Variants in SLC35B3 observed in about 807,000 individuals in gnomAD.
SLC35B3 encodes solute carrier family 35 member B3.
In SLC35B3, 35 loss-of-function variants were observed where a neutral mutation model predicts 44.1. The observed-to-expected ratio is 0.79, with a 90% confidence interval of 0.61 to 1.05. The LOEUF (loss-of-function observed/expected upper bound fraction) is 1.05, where lower values mean the gene tolerates loss of function less well. SLC35B3 is among the 50% of genes least tolerant of loss of function. The pLI, the probability that SLC35B3 is intolerant of heterozygous loss-of-function variation, is 0.00. For synonymous variants in SLC35B3, 146 were observed against 167.3 expected, an observed-to-expected ratio of 0.87 and a Z score of 0.98; for missense variants, 414 against 476.4, an observed-to-expected ratio of 0.87 and a Z score of 1.22.
Position 8,411,540 on chromosome 6 carries a change from T to A in SLC35B3, c.*2009A>T, listed in dbSNP as rs766858787. Among the ~76,000 whole-genome samples, 1 of 152,216 alleles carries A rather than the reference T, an allele frequency of 6.6e-6. No homozygotes were observed. The highest frequency in any genetic ancestry group is 1.9e-4 in the East Asian group (1 of 5,198). On this transcript the variant is annotated 3_prime_UTR_variant, in exon 11 of 11. Coordinates refer to ENST00000644923, the MANE Select transcript of SLC35B3 (RefSeq NM_001370476.2). ...TTCTTCTTAAAAGTTTAAGGCAGCATAATGAAGTATGCATTAAGATCCCGT... is the reference window on the plus strand; with the variant it reads ...TTCTTCTTAAAAGTTTAAGGCAGCAAAATGAAGTATGCATTAAGATCCCGT...
intron 2 of SLC35B3, among the ~76,000 whole-genome samples, chr6:8,431,772 C>T (rs1017363451): frequency 6.6e-6 from 1 of 152,098 alleles, no homozygotes; most frequent in Non-Finnish European, 1.5e-5. Context: ...GTAGAAGAGA[C>T]GAAAACCTTA....
rs542854250 is a variant in SLC35B3 at position 8,411,908 on chromosome 6, C to T, written c.*1641G>A. 6.6e-6 allele frequency among the ~76,000 whole-genome samples: 1 copy of T among 152,230 alleles called. No individual in the cohort carries two copies. The highest frequency in any genetic ancestry group is 2.4e-5 in the African/African-American group (1 of 41,546). ...ATAGAAGCAATTCTAAAAATCACTGCTAAAAATAAGTGCCCAAATCTTTGA... is the reference window on the plus strand; with the variant it reads ...ATAGAAGCAATTCTAAAAATCACTGTTAAAAATAAGTGCCCAAATCTTTGA... On this transcript the variant is annotated 3_prime_UTR_variant, in exon 11 of 11. Coordinates refer to ENST00000644923, the MANE Select transcript of SLC35B3 (RefSeq NM_001370476.2).
In SLC35B3 at chr6:8,413,676, A is replaced by G. The variant is rs1177849394; in HGVS notation, c.1079T>C (p.Val360Ala). Residue 360 changes from valine (V) to alanine (A), a missense_variant, in exon 11 of 11, where the codon GTT (valine) becomes GCT (alanine). Coordinates refer to ENST00000644923, the MANE Select transcript of SLC35B3 (RefSeq NM_001370476.2). ...AACATTAAGAAATATACCAAGGACA[A>G]CTAACAAACCAGACCATACATACCT... is the stretch of plus-strand genomic sequence containing the variant. The G allele has an allele frequency of 1.3e-6, 2 of 1,566,884 alleles. No individual in the cohort carries two copies. The highest frequency in any genetic ancestry group is 1.1e-5 in the South Asian group (1 of 88,636).
In SLC35B3 at chr6:8,432,144, G is replaced by C. The variant is rs902438412; in HGVS notation, c.4-1987C>G. ...GGCATATACTCTGACCTGATATTCA[G>C]ATGAACCAAATAAACTGATCCTTCC... On this transcript the variant is annotated intron_variant, in intron 2 of 10. Coordinates refer to ENST00000644923, the MANE Select transcript of SLC35B3 (RefSeq NM_001370476.2). This position sits in a 1 kb window ranked among gnomAD's most constrained non-coding sequence, Gnocchi z 4.8. Among the ~76,000 whole-genome samples, 1 of 151,986 alleles carries C rather than the reference G, an allele frequency of 6.6e-6. No individual in the cohort carries two copies. The highest frequency in any genetic ancestry group is 1.5e-5 in the Non-Finnish European group (1 of 68,018).
At chr6:8,418,554 CAA>C (rs751859093) in intron 7 of SLC35B3, among the ~76,000 whole-genome samples, 2 of 116,646 alleles carry the variant, frequency 1.7e-5, no homozygotes. Context: ...ACACTACTTG[CAA>C]AAAAAAAAAA....
chr6:8,419,275 A>G lies in SLC35B3; in HGVS notation c.780+305T>C, dbSNP rs951343713. Among the ~76,000 whole-genome samples the G allele has an allele frequency of 6.6e-6, 1 of 152,056 alleles. No homozygotes were observed. Among genetic ancestry groups the G allele is most frequent in the African/African-American group, 2.4e-5 (1 of 41,446 alleles). ...AGACAAATTGGGCCATATAAAAATT[A>G]CAAACTTCTACATGGAAAAATACTA... On this transcript the variant is annotated intron_variant, in intron 7 of 10. Transcript: ENST00000644923. The surrounding 1 kb of genome is among the most constrained non-coding windows in gnomAD (Gnocchi z 4.3).
In SLC35B3 at chr6:8,420,745, T is replaced by C. The variant is rs202083548; in HGVS notation, c.658A>G (p.Thr220Ala). Reference sequence around the variant, plus strand: ...CCCGTCAGGTTGAAATTTGGTGCAGTTGTGCTGTCAGCGAGGGTAAACCAT... The same window carrying C: ...CCCGTCAGGTTGAAATTTGGTGCAGCTGTGCTGTCAGCGAGGGTAAACCAT... Residue 220 changes from threonine to alanine, a missense_variant, in exon 6 of 11, where the codon ACT (threonine) becomes GCT (alanine). By Grantham distance (58) the Thr-to-Ala change is moderately conservative. Coordinates refer to ENST00000644923, the MANE Select transcript of SLC35B3 (RefSeq NM_001370476.2). This position sits in a 1 kb window ranked among gnomAD's most constrained non-coding sequence, Gnocchi z 4.4. 8.7e-6 allele frequency: 14 copies of C among 1,612,798 alleles called. No homozygotes were observed. The East Asian group carries it at 2.5e-4, about 28-fold the overall frequency.
At chr6:8,414,247 G>T (rs1404737949) in intron 10 of SLC35B3, among the ~76,000 whole-genome samples, 3 of 152,086 alleles carry the variant, frequency 2.0e-5, no homozygotes, top group Non-Finnish European at 2.9e-5. Flanking sequence ...GTAATATATT[G>T]ATGGAAATTA....
chr6:8,428,000 T>G lies in SLC35B3; in HGVS notation c.356A>C (p.Gln119Pro), dbSNP rs200049584. ...GCCAAATATGGAGTAAAAGGCAAAC[T>G]GCACTAAGGTAAGGTACCAGCCACA... Residue 119 changes from glutamine (Q) to proline (P), a missense_variant, in exon 4 of 11, where the codon CAG becomes CCG. Gln to Pro is a moderately conservative substitution (Grantham distance 76). Transcript: ENST00000644923. 2 of 1,612,098 alleles carry G rather than the reference T, an allele frequency of 1.2e-6. No homozygotes were observed. The highest frequency in any genetic ancestry group is 4.5e-5 in the East Asian group (2 of 44,748).
chr6:8,415,570 G>A (rs778678729), intron 9 of SLC35B3, among the ~76,000 whole-genome samples: 4 of 152,032 alleles, frequency 2.6e-5, no homozygotes, highest in African/African-American at 9.7e-5. Context: ...CTGCACTATC[G>A]GTTGCCATCT....
chr6:8,425,489 C>A (rs1763327872), intron 4 of SLC35B3, among the ~76,000 whole-genome samples: 1 of 151,856 alleles, frequency 6.6e-6, no homozygotes, highest in Non-Finnish European at 1.5e-5. Flanking sequence ...CATGGAGAAT[C>A]ATGATAGAAC....
Position 8,420,962 on chromosome 6 carries a change from C to A in SLC35B3, c.575-134G>T. 1 of 546,392 alleles carries A rather than the reference C, an allele frequency of 1.8e-6. No individual in the cohort carries two copies. The highest frequency in any genetic ancestry group is 3.2e-6 in the Non-Finnish European group (1 of 312,822). The allele number at this position is 546,392 out of a possible 1,614,324, so 33.8% of individuals were successfully genotyped here. A position where few individuals can be genotyped will look rare whatever the true frequency, so the allele number is the denominator to read the frequency against. On this transcript the variant is annotated intron_variant, in intron 5 of 10. Coordinates refer to ENST00000644923, the MANE Select transcript of SLC35B3 (RefSeq NM_001370476.2). The surrounding 1 kb of genome is among the most constrained non-coding windows in gnomAD (Gnocchi z 4.4). ...AAAAACGTGAACACTTAGGTCAAGG[C>A]AGAAGACAGTCACAAGAGGGCTTCT...
chr6:8,422,366 A>G, intron 5 of SLC35B3, 104 bp downstream of exon 4: 1 of 877,216 alleles, frequency 1.1e-6, no homozygotes, highest in South Asian at 1.5e-5. Flanking sequence ...AATATCTAGA[A>G]TGCTCATTGA....
At chr6:8,422,941 C>A (rs1763044506) in intron 4 of SLC35B3, among the ~76,000 whole-genome samples, 1 of 150,322 alleles carries the variant, frequency 6.7e-6, no homozygotes. Flanking sequence ...GTTCTAGCCA[C>A]AAATAAAAAC....
chr6:8,417,108 A>T (rs1267423248), intron 8 of SLC35B3, 113 bp from the exon 8 acceptor site: 11 of 612,892 alleles, frequency 1.8e-5, no homozygotes, highest in Non-Finnish European at 2.5e-5. Context: ...TTGTTTGACA[A>T]TGCAGTCAAG....
chr6:8,432,553 GAT>G lies in SLC35B3; in HGVS notation c.3+1830_3+1831del, dbSNP rs1446187762. Reference sequence around the variant, plus strand: ...TTCCCCATGCTTTGGAATTTTGACAGATATGAGTTCAAGATCTGGCTTTACTA... The same window carrying G: ...TTCCCCATGCTTTGGAATTTTGACAGATGAGTTCAAGATCTGGCTTTACTA... On this transcript the variant is annotated intron_variant, in intron 2 of 10. Transcript: ENST00000644923. The surrounding 1 kb of genome is among the most constrained non-coding windows in gnomAD (Gnocchi z 4.8). Among the ~76,000 whole-genome samples the G allele has an allele frequency of 2.0e-5, 3 of 152,094 alleles. No individual in the cohort carries two copies. The highest frequency in any genetic ancestry group is 6.5e-5 in the Admixed American group (1 of 15,270).
rs1223148265 is a variant in SLC35B3, at chr6:8,435,390, G to A, written c.-91C>T. ...GAAGGGTGACGGCAGCCTGCGTGGC[G>A]TCTGAGCTAGACGGAGCATCTCCCC... On this transcript the variant is annotated 5_prime_UTR_variant, in exon 1 of 11. It adds an upstream start codon to the 5' untranslated region. Transcript: ENST00000644923. This position sits in a 1 kb window ranked among gnomAD's most constrained non-coding sequence, Gnocchi z 5.5. 1.6e-6 allele frequency: 2 copies of A among 1,288,528 alleles called. No homozygotes were observed. Among genetic ancestry groups the A allele is most frequent in the African/African-American group, 1.5e-5 (1 of 65,824 alleles). 79.8% of individuals were successfully genotyped at this position (1,288,528 alleles called of 1,614,324 possible).
intron 10 of SLC35B3, among the ~76,000 whole-genome samples, chr6:8,414,093 T>C (rs1022660466): frequency 2.2e-4 from 33 of 152,070 alleles, no homozygotes; most frequent in Non-Finnish European, 4.6e-4. Context: ...CTCAGTTGGG[T>C]AGAATATAAA....
In SLC35B3 at chr6:8,416,953, T is replaced by C; in HGVS notation, c.916A>G (p.Thr306Ala). 1.2e-6 allele frequency: 2 copies of C among 1,604,778 alleles called. No homozygotes were observed. Among genetic ancestry groups the C allele is most frequent in the Non-Finnish European group, 8.5e-7 (1 of 1,176,060 alleles). ...ACAAAGGAGATTCCAAAATATCCAG[T>C]GAGGGAAAAAAGGAACGCATAACCA... The change falls in exon 9 of 11, where the codon ACT becomes GCT. Residue 306 changes from threonine (T) to alanine (A), a missense_variant. Transcript: ENST00000644923.
Sources: allele counts gnomAD v4.1 joint callset (sites outside exome capture counted in the v4.1 genomes callset), GRCh38; gene constraint gnomAD v4.1.1; non-coding constraint Gnocchi (gnomAD v3.1); transcripts MANE v1.5; gene names NCBI Gene and HGNC (gene_info 2026-07-23, HGNC 2026-07-21).